Variants in BLNK observed in about 807,000 individuals in gnomAD.
BLNK encodes B cell linker, also known as B-cell linker protein.
In BLNK, 29 loss-of-function variants were observed where a neutral mutation model predicts 73.5. The ratio of observed to expected loss-of-function variants is 0.39; its 90% confidence interval spans 0.29 to 0.54. The LOEUF is 0.54. Among genes scored for constraint, BLNK ranks in the 20% least tolerant of loss-of-function variants. The pLI is 0.61. For synonymous variants in BLNK, 176 were observed against 200.8 expected, an observed-to-expected ratio of 0.88 and a Z score of 1.04; for missense variants, 460 against 562.8, an observed-to-expected ratio of 0.82 and a Z score of 1.85.
chr10:96,246,214 T>G (rs1038022113), intron 2 of BLNK, among the ~76,000 whole-genome samples: 8 of 152,018 alleles, frequency 5.3e-5, no homozygotes, highest in Admixed American at 3.3e-4. Flanking sequence ...AAGTGCCAAT[T>G]GAAAAGTTCA....
At chr10:96,196,828 C>T in intron 16 of BLNK, 80 bp downstream of exon 16, 1 of 1,388,182 alleles carries the variant, frequency 7.2e-7, no homozygotes, top group South Asian at 1.2e-5. Flanking sequence ...TTCTCCTCAT[C>T]TCTAGCATCT....
chr10:96,204,583 G>A lies in BLNK; in HGVS notation c.851C>T (p.Ser284Leu). 1 of 1,614,094 alleles carries A rather than the reference G, an allele frequency of 6.2e-7. No individual in the cohort carries two copies. Among genetic ancestry groups the A allele is most frequent in the Non-Finnish European group, 8.5e-7 (1 of 1,179,954 alleles). Residue 284 changes from serine (S) to leucine (L), a missense_variant, in exon 12 of 17, where the codon TCA becomes TTA. This residue lies in a region of BLNK where 233 missense variants were observed against 232.1 expected (regional missense o/e 1.00). Transcript: ENST00000224337. ...KPIPAERHRGSSHRQEAVQSP... is the reference protein window; with the variant it reads ...KPIPAERHRGLSHRQEAVQSP... ...CTGCACAGCTTCTTGTCTGTGACTTGACCCTCGGTGGCGTTCAGCAGGTAT... is the reference window on the plus strand; with the variant it reads ...CTGCACAGCTTCTTGTCTGTGACTTAACCCTCGGTGGCGTTCAGCAGGTAT...
intron 8 of BLNK, 142 bp downstream of exon 8, chr10:96,215,179 A>T (rs1245482357): frequency 4.3e-6 from 4 of 924,132 alleles, no homozygotes; most frequent in Non-Finnish European, 6.9e-6. Context: ...ACGTGCCACC[A>T]GACAGTGCAT....
chr10:96,247,714 T>C (rs1843107136), intron 1 of BLNK, among the ~76,000 whole-genome samples: 1 of 152,182 alleles, frequency 6.6e-6, no homozygotes, highest in African/African-American at 2.4e-5. Context: ...GTGCCTCTGA[T>C]TGATCCCCTC....
At chr10:96,266,322 G>T (rs1302752395) in intron 1 of BLNK, among the ~76,000 whole-genome samples, 4 of 152,204 alleles carry the variant, frequency 2.6e-5, no homozygotes, top group Non-Finnish European at 5.9e-5. Flanking sequence ...CTAATCAATT[G>T]TATCATAGTC....
chr10:96,210,877 T>G lies in BLNK; in HGVS notation c.677-970A>C, dbSNP rs587698264. 2.5e-4 allele frequency among the ~76,000 whole-genome samples: 37 copies of G among 149,590 alleles called. 1 individual carries two copies. The highest frequency in any genetic ancestry group is 8.6e-4 in the African/African-American group (34 of 39,528). Reference sequence around the variant, plus strand: ...TCCACAATTCCGTTTTTTTTTTTTTTTTTTTTTTTGAGACAGGGTCTTGTT... The same window carrying G: ...TCCACAATTCCGTTTTTTTTTTTTTGTTTTTTTTTGAGACAGGGTCTTGTT... On this transcript the variant is annotated intron_variant, in intron 8 of 16. Coordinates refer to ENST00000224337, the MANE Select transcript of BLNK (RefSeq NM_013314.4).
chr10:96,245,142 G>A (rs1431025621), intron 2 of BLNK, among the ~76,000 whole-genome samples: 1 of 151,804 alleles, frequency 6.6e-6, no homozygotes, highest in Non-Finnish European at 1.5e-5. Flanking sequence ...ACAAGCAGAA[G>A]GCCATTTATG....
Position 96,236,592 on chromosome 10 carries a change from C to G in BLNK, c.164-5758G>C, listed in dbSNP as rs200976764. Among the ~76,000 whole-genome samples the G allele has an allele frequency of 1.1e-4, 17 of 152,174 alleles. No homozygotes were observed. In the East Asian group the frequency reaches 2.5e-3, roughly 23 times the overall value. Reference sequence around the variant, plus strand: ...ATCCCAGCACTTTGGGAGGCCAGGGCAGGAGGATCACTGGAGGCCGGGAAT... The same window carrying G: ...ATCCCAGCACTTTGGGAGGCCAGGGGAGGAGGATCACTGGAGGCCGGGAAT... On this transcript the variant is annotated intron_variant, in intron 3 of 16. Coordinates refer to ENST00000224337, the MANE Select transcript of BLNK (RefSeq NM_013314.4).
chr10:96,197,873 G>A (rs188424667), intron 15 of BLNK, among the ~76,000 whole-genome samples: 2 of 148,696 alleles, frequency 1.3e-5, no homozygotes, highest in Non-Finnish European at 3.0e-5. Context: ...CCAAGATCGT[G>A]CCACTGCACT....
chr10:96,243,616 A>G lies in BLNK; in HGVS notation c.114-832T>C, dbSNP rs1024895723. 2.7e-4 allele frequency among the ~76,000 whole-genome samples: 41 copies of G among 152,224 alleles called. 1 individual carries two copies. The highest frequency in any genetic ancestry group is 2.4e-3 in the Admixed American group (36 of 15,282). ...GATTGGAGATTATGAGACTTAGCAT[A>G]TTTAGTATTCAACTTGTTTTAAGCA... On this transcript the variant is annotated intron_variant, in intron 2 of 16. Transcript: ENST00000224337.
At chr10:96,193,641 CA>C (rs2083384325) in intron 16 of BLNK, among the ~76,000 whole-genome samples, 1 of 152,100 alleles carries the variant, frequency 6.6e-6, no homozygotes. Flanking sequence ...TTTATTAATT[CA>C]GTGTATTTGA....
At chr10:96,226,935 C>T (rs934340637) in intron 5 of BLNK, among the ~76,000 whole-genome samples, 1 of 152,070 alleles carries the variant, frequency 6.6e-6, no homozygotes, top group Non-Finnish European at 1.5e-5. Flanking sequence ...ACCTGTATCC[C>T]CTGGTAAAAC....
chr10:96,264,660 C>G (rs782795312), intron 1 of BLNK, among the ~76,000 whole-genome samples: 6 of 152,068 alleles, frequency 3.9e-5, no homozygotes, highest in South Asian at 2.1e-4. Flanking sequence ...AAGATTGAAC[C>G]CTTAAAGCCT....
In BLNK at chr10:96,200,293, TA is replaced by T. The variant is rs1299862821; in HGVS notation, c.1012-136del. 9.3e-6 allele frequency: 6 copies of T among 648,440 alleles called. No individual in the cohort carries two copies. In the African/African-American group the frequency reaches 1.1e-4, roughly 12 times the overall value. 40.2% of individuals were successfully genotyped at this position (648,440 alleles called of 1,614,324 possible). ...ACACCAATAATTTTAAGATGAGTTT[TA>T]TTTTTCCTTTGATCAAACACAAGGA... On this transcript the variant is annotated intron_variant, in intron 14 of 16. Coordinates refer to ENST00000224337, the MANE Select transcript of BLNK (RefSeq NM_013314.4). The surrounding 1 kb of genome is among the most constrained non-coding windows in gnomAD (Gnocchi z 4.3).
intron 1 of BLNK, among the ~76,000 whole-genome samples, chr10:96,267,702 T>C (rs1343091948): frequency 6.6e-6 from 1 of 152,148 alleles, no homozygotes; most frequent in African/African-American, 2.4e-5. Context: ...CTGCAGTCCA[T>C]GCAAAGCCAA....
At chr10:96,222,900 C>T (rs782658846) in intron 6 of BLNK, among the ~76,000 whole-genome samples, 22 of 152,186 alleles carry the variant, frequency 1.4e-4, no homozygotes, top group South Asian at 4.2e-4. Context: ...TCCCCTGCCC[C>T]AGGAATGTCA....
At chr10:96,255,694 T>A (rs1478570738) in intron 1 of BLNK, among the ~76,000 whole-genome samples, 5 of 152,232 alleles carry the variant, frequency 3.3e-5, no homozygotes, top group African/African-American at 1.2e-4. Flanking sequence ...AGTTTCATCC[T>A]TTCAGTGTTC....
chr10:96,260,974 G>A (rs1298773303), intron 1 of BLNK, among the ~76,000 whole-genome samples: 1 of 151,968 alleles, frequency 6.6e-6, no homozygotes, highest in East Asian at 1.9e-4. Context: ...CTCCTGAGTA[G>A]CTGGAACTAC....
At chr10:96,260,542 A>G (rs575722564) in intron 1 of BLNK, among the ~76,000 whole-genome samples, 5 of 152,322 alleles carry the variant, frequency 3.3e-5, no homozygotes, top group African/African-American at 1.2e-4. Flanking sequence ...GGAAAAAGGA[A>G]CTTTGGCTAT....
Sources: gnomAD v4.1 joint callset for allele counts (sites outside exome capture counted in the v4.1 genomes callset) on GRCh38, gnomAD v4.1.1 for gene constraint, gnomAD v4.1.1 regional missense constraint, Gnocchi (gnomAD v3.1) non-coding constraint, MANE v1.5 for transcripts, NCBI Gene and HGNC (gene_info 2026-07-23, HGNC 2026-07-21) for gene names.